Variants in TNIK observed in about 807,000 individuals in gnomAD.
The protein encoded by TNIK is TRAF2 and NCK interacting kinase.
A neutral mutation model predicts 191.3 loss-of-function variants in TNIK; 49 were observed. The ratio of observed to expected loss-of-function variants is 0.26; its 90% CI spans 0.20 to 0.32. TNIK has a LOEUF of 0.32. Among genes scored for constraint, TNIK ranks in the 10% least tolerant of loss-of-function variants. TNIK has a pLI of 1.00. For synonymous variants in TNIK, 594 were observed against 600.9 expected (o/e 0.99, Z 0.17); for missense variants, 1,155 against 1,702.3 (o/e 0.68, Z 5.66).
rs562250324 is a variant in TNIK at position 171,159,930 on chromosome 3, G to A, written c.1016+1340C>T. Among the ~76,000 whole-genome samples, 234 of 152,284 alleles carry A rather than the reference G, an allele frequency of 1.5e-3. No homozygotes were observed. The highest frequency in any genetic ancestry group is 2.7e-3 in the Non-Finnish European group (187 of 68,018). On this transcript the variant is annotated intron_variant, in intron 11 of 32. Coordinates refer to ENST00000436636, the MANE Select transcript of TNIK (RefSeq NM_015028.4). This position sits in a 1 kb window ranked among gnomAD's most constrained non-coding sequence, Gnocchi z 4.1. Reference sequence around the variant, plus strand: ...TGTTAAGGTACGGCTGGGCTGGCTCGTTGAGTGACTCCTAATATGCAGTTT... The same window carrying A: ...TGTTAAGGTACGGCTGGGCTGGCTCATTGAGTGACTCCTAATATGCAGTTT...
chr3:171,147,501 A>G (rs1024608414), intron 12 of TNIK, among the ~76,000 whole-genome samples: 1 of 152,234 alleles, frequency 6.6e-6, no homozygotes. Flanking sequence ...GGGTAAGGGC[A>G]TGATTCCTTG....
intron 2 of TNIK, among the ~76,000 whole-genome samples, chr3:171,347,735 G>A (rs750781219): frequency 4.6e-5 from 7 of 152,072 alleles, no homozygotes; most frequent in Non-Finnish European, 1.0e-4. Context: ...TTTTATAATA[G>A]CCTGTCCTAG....
chr3:171,312,834 T>C (rs567155806), intron 2 of TNIK, among the ~76,000 whole-genome samples: 2 of 152,302 alleles, frequency 1.3e-5, no homozygotes, highest in East Asian at 3.9e-4. Flanking sequence ...TCCTGAACTA[T>C]GGCTTATGGC....
At chr3:171,363,189 G>C (rs1265912549) in intron 2 of TNIK, among the ~76,000 whole-genome samples, 1 of 152,130 alleles carries the variant, frequency 6.6e-6, no homozygotes, top group African/African-American at 2.4e-5. Context: ...CCACAACAAA[G>C]AATTATCCAG....
intron 7 of TNIK, among the ~76,000 whole-genome samples, chr3:171,180,320 C>T (rs1560224081): frequency 6.6e-6 from 1 of 152,110 alleles, no homozygotes; most frequent in Non-Finnish European, 1.5e-5. Context: ...CTGGGACCTC[C>T]CCCCAGCACT....
intron 10 of TNIK, among the ~76,000 whole-genome samples, chr3:171,166,099 G>C (rs988368686): frequency 1.3e-5 from 2 of 152,152 alleles, no homozygotes; most frequent in Non-Finnish European, 2.9e-5. Context: ...ATACCATACC[G>C]ATGATTATGG....
rs149531127 is a variant in TNIK at position 171,110,629 on chromosome 3, G to C, written c.2284+85C>G. 406 of 1,465,516 alleles carry C rather than the reference G, an allele frequency of 2.8e-4. No individual in the cohort carries two copies. The African/African-American group carries it at 5.0e-3, about 18-fold the overall frequency. The allele number at this position is 1,465,516 out of a possible 1,614,324, so 90.8% of individuals were successfully genotyped here. On this transcript the variant is annotated intron_variant, in intron 19 of 32. Transcript: ENST00000436636. Reference sequence around the variant, plus strand: ...CACAGTGGTGGCCATGCCTGGACTAGAGTCAGGAAGTAACTAACCTTTTTC... The same window carrying C: ...CACAGTGGTGGCCATGCCTGGACTACAGTCAGGAAGTAACTAACCTTTTTC...
intron 9 of TNIK, among the ~76,000 whole-genome samples, chr3:171,173,345 G>A (rs1394902749): frequency 5.3e-5 from 8 of 150,620 alleles, no homozygotes; most frequent in East Asian, 2.0e-4. Flanking sequence ...GCAGTGAGCC[G>A]AGATCGTGCC....
At chr3:171,154,292 C>T (rs1732876671) in intron 12 of TNIK, among the ~76,000 whole-genome samples, 1 of 151,312 alleles carries the variant, frequency 6.6e-6, no homozygotes, top group Non-Finnish European at 1.5e-5. Context: ...GGGATGGAGC[C>T]AAAGTGTATA....
intron 2 of TNIK, among the ~76,000 whole-genome samples, chr3:171,240,771 C>CT (rs1744867808): frequency 6.6e-6 from 1 of 152,188 alleles, no homozygotes. Context: ...CACTTTAACT[C>CT]TTATTATCCT....
chr3:171,426,965 G>C (rs913313979), intron 1 of TNIK, among the ~76,000 whole-genome samples: 21 of 152,202 alleles, frequency 1.4e-4, no homozygotes, highest in Admixed American at 1.4e-3. Context: ...GATCGTCCAA[G>C]ATAAGTGGAA....
chr3:171,151,569 A>G (rs868451917), intron 12 of TNIK, among the ~76,000 whole-genome samples: 15 of 152,132 alleles, frequency 9.9e-5, no homozygotes, highest in East Asian at 1.9e-4. Context: ...GGTAAATGCT[A>G]TTGTTATTTC....
chr3:171,364,040 C>T (rs1230842953), intron 2 of TNIK, among the ~76,000 whole-genome samples: 3 of 152,270 alleles, frequency 2.0e-5, no homozygotes, highest in Non-Finnish European at 2.9e-5. Context: ...TGACCTATAA[C>T]AGGATAACAT....
chr3:171,344,540 T>C (rs959061300), intron 2 of TNIK, among the ~76,000 whole-genome samples: 1 of 152,132 alleles, frequency 6.6e-6, no homozygotes, highest in Non-Finnish European at 1.5e-5. Flanking sequence ...AGAAAGGTAC[T>C]GATGACCTTA....
At chr3:171,092,364 A>G (rs1397071453) in intron 23 of TNIK, among the ~76,000 whole-genome samples, 2 of 152,188 alleles carry the variant, frequency 1.3e-5, no homozygotes, top group African/African-American at 4.8e-5. Context: ...CCAAATGTCT[A>G]CTTGGAGGTA....
chr3:171,226,956 CTTAT>C (rs1045958738), intron 3 of TNIK, among the ~76,000 whole-genome samples: 1 of 151,788 alleles, frequency 6.6e-6, no homozygotes, highest in African/African-American at 2.4e-5. Flanking sequence ...TTATTTTTTT[CTTAT>C]TTGTTTTTCT....
intron 32 of TNIK, among the ~76,000 whole-genome samples, chr3:171,065,849 G>T (rs1718374130): frequency 6.6e-6 from 1 of 152,222 alleles, no homozygotes; most frequent in African/African-American, 2.4e-5. Context: ...AAAAGTGGAA[G>T]TATAAAGTTG....
chr3:171,231,544 C>A (rs995487635), intron 2 of TNIK, among the ~76,000 whole-genome samples: 13 of 152,022 alleles, frequency 8.6e-5, no homozygotes, highest in Non-Finnish European at 1.6e-4. Flanking sequence ...GCAAAGGTAT[C>A]CCCACGCGCT....
chr3:171,175,458 T>C, intron 8 of TNIK, 128 bp from the exon 9 acceptor site: 1 of 673,608 alleles, frequency 1.5e-6, no homozygotes. Flanking sequence ...GAGCACAAAG[T>C]CAGAATATCC....
Sources: gnomAD v4.1 joint callset for allele counts (sites outside exome capture counted in the v4.1 genomes callset) on GRCh38, gnomAD v4.1.1 for gene constraint, Gnocchi (gnomAD v3.1) non-coding constraint, MANE v1.5 for transcripts, NCBI Gene and HGNC (gene_info 2026-07-23, HGNC 2026-07-21) for gene names.